The following PPP2R2B variants were observed in gnomAD, a reference collection of about 807,000 sequenced individuals.
PPP2R2B encodes protein phosphatase 2 regulatory subunit Bbeta.
A neutral mutation model predicts 46.0 loss-of-function variants in PPP2R2B; 5 were observed. That is an observed-to-expected ratio of 0.11 (90% CI 0.06 to 0.23). The LOEUF (loss-of-function observed/expected upper bound fraction) is 0.23, where lower values mean the gene tolerates loss of function less well. Among genes scored for constraint, PPP2R2B ranks in the 10% least tolerant of loss-of-function variants. PPP2R2B has a pLI of 1.00. For missense variants in PPP2R2B, 367 were observed against 575.0 expected (o/e 0.64, Z 3.70); for synonymous variants, 215 against 206.7 (o/e 1.04, Z -0.34).
intron 5 of PPP2R2B, among the ~76,000 whole-genome samples, chr5:146,676,989 G>C (rs2151130037): frequency 6.6e-6 from 1 of 152,226 alleles, no homozygotes. Context: ...AACCAAGTGT[G>C]GCTTTGTTTT....
chr5:146,599,566 C>T lies in PPP2R2B; in HGVS notation c.960+725G>A, dbSNP rs77690228. Among the ~76,000 whole-genome samples, 367 of 152,288 alleles carry T rather than the reference C, an allele frequency of 2.4e-3. 1 individual carries two copies. In the South Asian group the frequency reaches 0.031, roughly 13 times the overall value. ...CCCTTGCCTCTATCTCCAGGCTCAT[C>T]CTTCTGCCTTTGTGATTCATATTCA... On this transcript the variant is annotated intron_variant, in intron 8 of 9. Coordinates refer to ENST00000394411, the MANE Select transcript of PPP2R2B (RefSeq NM_181675.4).
chr5:146,724,182 T>C (rs1751700138), intron 2 of PPP2R2B, among the ~76,000 whole-genome samples: 1 of 152,160 alleles, frequency 6.6e-6, no homozygotes, highest in Non-Finnish European at 1.5e-5. Context: ...ATAGTGGTGT[T>C]AAGCCCATGG....
chr5:146,894,861 G>A (rs1461771517), intron 1 of PPP2R2B, among the ~76,000 whole-genome samples: 3 of 152,188 alleles, frequency 2.0e-5, no homozygotes, highest in Admixed American at 6.5e-5. Context: ...CCTCTAGGGC[G>A]CATAGCATCT....
intron 6 of PPP2R2B, among the ~76,000 whole-genome samples, chr5:146,640,129 A>G (rs1775099250): frequency 1.3e-5 from 2 of 152,258 alleles, no homozygotes; most frequent in African/African-American, 4.8e-5. Context: ...CTCCTGCTAC[A>G]ACATTCCAAC....
intron 2 of PPP2R2B, among the ~76,000 whole-genome samples, chr5:146,851,176 C>A (rs1407494662): frequency 6.6e-6 from 1 of 152,092 alleles, no homozygotes; most frequent in African/African-American, 2.4e-5. Flanking sequence ...TAATCCTGTC[C>A]CTCAGAGATC....
At chr5:146,935,531 T>G (rs1044395009) in intron 1 of PPP2R2B, among the ~76,000 whole-genome samples, 10 of 152,148 alleles carry the variant, frequency 6.6e-5, no homozygotes, top group Admixed American at 6.5e-4. Flanking sequence ...TATGGGGGAA[T>G]GCCAAGTAGC....
chr5:146,733,027 T>A (rs1752323141), intron 2 of PPP2R2B, among the ~76,000 whole-genome samples: 1 of 152,216 alleles, frequency 6.6e-6, no homozygotes, highest in South Asian at 2.1e-4. Flanking sequence ...TATTTTTACA[T>A]ATTTAACATT....
chr5:146,900,613 T>TCCTTCCTTCCTTCC, intron 1 of PPP2R2B, among the ~76,000 whole-genome samples: 1 of 151,400 alleles, frequency 6.6e-6, no homozygotes, highest in Admixed American at 6.6e-5. Context: ...TTTTCTTTCT[T>TCCTTCCTTCCTTCC]TTCTTTCTCT....
intron 2 of PPP2R2B, chr5:146,751,638 TC>T (rs1753562086): frequency 6.6e-6 from 1 of 152,238 alleles, no homozygotes; most frequent in African/African-American, 2.4e-5. Context: ...TCAACTCAGT[TC>T]TTACCCTCAT....
chr5:146,807,211 T>A (rs1389160334), intron 2 of PPP2R2B, among the ~76,000 whole-genome samples: 1 of 152,216 alleles, frequency 6.6e-6, no homozygotes, highest in Non-Finnish European at 1.5e-5. Flanking sequence ...GATTTTTCAT[T>A]CTATAATTAT....
At chr5:147,003,095 G>C (rs1754260536) in intron 1 of PPP2R2B, among the ~76,000 whole-genome samples, 1 of 152,072 alleles carries the variant, frequency 6.6e-6, no homozygotes, top group South Asian at 2.1e-4. Flanking sequence ...ACGAGGGAAG[G>C]CAAATGGAGT....
chr5:146,986,745 A>G (rs1753447787), intron 1 of PPP2R2B, among the ~76,000 whole-genome samples: 1 of 152,226 alleles, frequency 6.6e-6, no homozygotes, highest in South Asian at 2.1e-4. Context: ...GCAAAAGGAC[A>G]AAGAACACTT....
At chr5:146,772,510 G>A (rs1754932080) in intron 2 of PPP2R2B, among the ~76,000 whole-genome samples, 1 of 151,254 alleles carries the variant, frequency 6.6e-6, no homozygotes, top group Non-Finnish European at 1.5e-5. Context: ...AGAGAGGGGA[G>A]TGGGGTCAAA....
intron 1 of PPP2R2B, among the ~76,000 whole-genome samples, chr5:147,009,579 T>A (rs1460644636): frequency 6.6e-6 from 1 of 152,142 alleles, no homozygotes; most frequent in East Asian, 1.9e-4. Flanking sequence ...GGTATCTACA[T>A]CCTACTTTTA....
At chr5:146,910,930 C>T (rs796586497) in intron 1 of PPP2R2B, among the ~76,000 whole-genome samples, 10 of 152,206 alleles carry the variant, frequency 6.6e-5, no homozygotes, top group African/African-American at 2.4e-4. Flanking sequence ...ATTTATGTTC[C>T]ATATTCGTCT....
intron 1 of PPP2R2B, among the ~76,000 whole-genome samples, chr5:146,946,795 G>A (rs1011882759): frequency 1.3e-5 from 2 of 152,002 alleles, no homozygotes; most frequent in Admixed American, 6.6e-5. Context: ...ATTACAGAAG[G>A]ATTGTTTCCA....
chr5:146,594,176 T>C (rs892021977), intron 8 of PPP2R2B, among the ~76,000 whole-genome samples: 9 of 152,212 alleles, frequency 5.9e-5, no homozygotes, highest in African/African-American at 2.2e-4. Flanking sequence ...TGAAAGGTGC[T>C]GTCCTGGAGT....
chr5:146,599,764 C>T (rs753424724), intron 8 of PPP2R2B, among the ~76,000 whole-genome samples: 1 of 152,176 alleles, frequency 6.6e-6, no homozygotes, highest in Non-Finnish European at 1.5e-5. Context: ...CCGTCATCTA[C>T]ATTAGGTATT....
chr5:146,873,567 G>GA (rs565718012), intron 2 of PPP2R2B, among the ~76,000 whole-genome samples: 2 of 151,808 alleles, frequency 1.3e-5, no homozygotes, highest in East Asian at 1.9e-4. Context: ...CTGCAAAGTG[G>GA]AAAAAAAATT....
Sources: allele counts gnomAD v4.1 joint callset (sites outside exome capture counted in the v4.1 genomes callset), GRCh38; gene constraint gnomAD v4.1.1; transcripts MANE v1.5; gene names NCBI Gene and HGNC (gene_info 2026-07-23, HGNC 2026-07-21).